CSK: variants seen among roughly 807,000 people sequenced by gnomAD.
CSK encodes tyrosine-protein kinase CSK.
Under a neutral mutation model 62.3 loss-of-function variants are expected in CSK, and 7 were observed. The ratio of observed to expected loss-of-function variants is 0.11; its 90% CI spans 0.06 to 0.21. CSK has a LOEUF of 0.21. Ranked by LOEUF, CSK falls within the 10% of genes least tolerant of loss-of-function variation. CSK has a pLI of 1.00. For missense variants in CSK, 294 were observed against 613.5 expected, an observed-to-expected ratio of 0.48 and a Z score of 5.50; for synonymous variants, 237 against 246.0, an observed-to-expected ratio of 0.96 and a Z score of 0.34.
chr15:74,795,278 TAA>T (rs2063687647), intron 1 of CSK, among the ~76,000 whole-genome samples: 1 of 152,098 alleles, frequency 6.6e-6, no homozygotes. Context: ...CACTTTGCAC[TAA>T]AATGTCTTCT....
At chr15:74,791,274 T>C (rs2063616178) in intron 1 of CSK, among the ~76,000 whole-genome samples, 1 of 152,182 alleles carries the variant, frequency 6.6e-6, no homozygotes, top group South Asian at 2.1e-4. Flanking sequence ...GCCTTTTATT[T>C]TGAGTATTTG....
intron 1 of CSK, among the ~76,000 whole-genome samples, chr15:74,795,588 A>AG (rs1411903205): frequency 6.6e-6 from 1 of 152,142 alleles, no homozygotes; most frequent in African/African-American, 2.4e-5. Context: ...GACAGGTCCA[A>AG]GGGGGCTCTG....
intron 1 of CSK, among the ~76,000 whole-genome samples, chr15:74,786,047 T>C (rs1356458000): frequency 8.7e-6 from 1 of 114,370 alleles, no homozygotes; most frequent in Non-Finnish European, 1.8e-5. Context: ...GTGTGTGAGA[T>C]GGAGTTTTGC....
In CSK at chr15:74,802,345, C is replaced by T. The variant is rs146818385; in HGVS notation, c.1185C>T (p.Val395=). The change falls in exon 13 of 13, where the codon GTC becomes GTT. Residue 395 remains valine, a synonymous_variant. Coordinates refer to ENST00000220003, the MANE Select transcript of CSK (RefSeq NM_004383.3). ...CCTGGCCACAGCCCCTGAAGGACGT[C>T]GTCCCTCGGGTGGAGAAGGGCTACA... is the stretch of plus-strand genomic sequence containing the variant. ...VPYPRIPLKD[V]VPRVEKGYKM... is the part of the protein sequence containing the mutation. 80 of 1,597,624 alleles carry T rather than the reference C, an allele frequency of 5.0e-5. No homozygotes were observed. In the African/African-American group the frequency reaches 9.1e-4, roughly 18 times the overall value.
At position 74,802,548 on chromosome 15, in the gene CSK, G is replaced by T; in HGVS notation, c.*35G>T. 6.2e-7 allele frequency: 1 copy of T among 1,601,976 alleles called. No homozygotes were observed. The highest frequency in any genetic ancestry group is 1.1e-5 in the South Asian group (1 of 89,708). On this transcript the variant is annotated 3_prime_UTR_variant, in exon 13 of 13. Coordinates refer to ENST00000220003, the MANE Select transcript of CSK (RefSeq NM_004383.3). ...TCCGCCTGGGTCATGGGCCTGTGGG[G>T]ACTGAACCTGGAAGATCATGGACCT...
At chr15:74,800,977 G>A (rs1302271028) in intron 8 of CSK, 35 bp from the exon 9 acceptor site, 1 of 1,612,984 alleles carries the variant, frequency 6.2e-7, no homozygotes, top group South Asian at 1.1e-5. Flanking sequence ...TGAGGCACCA[G>A]CTTCCCCTTT....
intron 1 of CSK, chr15:74,797,906 T>C (rs1314384479): frequency 5.3e-6 from 1 of 187,696 alleles, no homozygotes; most frequent in African/African-American, 2.4e-5. Context: ...GGGGCCCCTT[T>C]CCCCACAGAA....
At chr15:74,791,090 C>T (rs915114427) in intron 1 of CSK, 2 of 152,242 alleles carry the variant, frequency 1.3e-5, no homozygotes, top group African/African-American at 4.8e-5. Context: ...TTCTCTTGAA[C>T]TTGATCTCAC....
chr15:74,800,929 G>C lies in CSK; in HGVS notation c.722+7G>C, dbSNP rs762468390. The C allele has an allele frequency of 2.5e-6, 4 of 1,612,940 alleles. No homozygotes were observed. The highest frequency in any genetic ancestry group is 3.4e-6 in the Non-Finnish European group (4 of 1,179,978). The stretch of plus-strand genomic sequence containing the variant: ...CTGAAGCCTCAGTCATGACGTGAGT[G>C]GGGGCGGGGTAGGGGGGAGGTTGGC... On this transcript the variant is annotated splice_region_variant and intron_variant, in intron 8 of 12. Coordinates refer to ENST00000220003, the MANE Select transcript of CSK (RefSeq NM_004383.3).
chr15:74,784,619 A>G (rs34552461), intron 1 of CSK, among the ~76,000 whole-genome samples: 8,365 of 152,156 alleles, frequency 0.055, 771 homozygotes, highest in African/African-American at 0.19. Context: ...CCCATTCACC[A>G]CCGCAGGGGG....
At chr15:74,796,177 A>G (rs929246652) in intron 1 of CSK, among the ~76,000 whole-genome samples, 20 of 151,514 alleles carry the variant, frequency 1.3e-4, no homozygotes, top group African/African-American at 4.8e-4. Flanking sequence ...GCCGTGAGTC[A>G]CCCCACCACT....
chr15:74,786,695 T>C (rs988120606), intron 1 of CSK, among the ~76,000 whole-genome samples: 4 of 152,094 alleles, frequency 2.6e-5, no homozygotes, highest in Non-Finnish European at 5.9e-5. Flanking sequence ...GAGACCAGGG[T>C]AACTGGGAGT....
Position 74,800,400 on chromosome 15 carries a change from C to G in CSK, c.463-12C>G, listed in dbSNP as rs201705144. The G allele has an allele frequency of 1.3e-5, 21 of 1,612,770 alleles. No homozygotes were observed. The East Asian group carries it at 1.3e-4, about 10-fold the overall frequency. Reference sequence around the variant, plus strand: ...GGCTGTCTCTGAGCACCCTGCCCCCCACACCCTGCAGCACTACACCTCAGA... The same window carrying G: ...GGCTGTCTCTGAGCACCCTGCCCCCGACACCCTGCAGCACTACACCTCAGA... On this transcript the variant is annotated splice_polypyrimidine_tract_variant and intron_variant, in intron 5 of 12. Coordinates refer to ENST00000220003, the MANE Select transcript of CSK (RefSeq NM_004383.3).
At position 74,801,433 on chromosome 15, in the gene CSK, G is replaced by C. The variant is rs112518573; in HGVS notation, c.814-89G>C. ...CTTCCCTGTCTCACACCTCCCTGGA[G>C]TGTCAACACCCACCCGGCCCCAGCG... On this transcript the variant is annotated intron_variant, in intron 9 of 12. Transcript: ENST00000220003. The C allele has an allele frequency of 3.7e-5, 49 of 1,315,436 alleles. No homozygotes were observed. In the East Asian group the frequency reaches 1.1e-3, roughly 29 times the overall value. 81.5% of individuals were successfully genotyped at this position (1,315,436 alleles called of 1,614,324 possible). A position where few individuals can be genotyped will look rare whatever the true frequency, so the allele number is the denominator to read the frequency against.
chr15:74,784,773 G>A (rs36102361), intron 1 of CSK, among the ~76,000 whole-genome samples: 3,780 of 152,272 alleles, frequency 0.025, 351 homozygotes, highest in Admixed American at 0.18. Context: ...CCCCCCAAAG[G>A]GGGCAGACCC....
In CSK at chr15:74,801,979, C is replaced by G. The variant is rs1221208091; in HGVS notation, c.1084-18C>G. On this transcript the variant is annotated intron_variant, in intron 11 of 12. Coordinates refer to ENST00000220003, the MANE Select transcript of CSK (RefSeq NM_004383.3). Reference sequence around the variant, plus strand: ...GGAGTCCCAGGATCTGACGCTGCTTCTTCCATCCACATGGCAGAAATTCTC... The same window carrying G: ...GGAGTCCCAGGATCTGACGCTGCTTGTTCCATCCACATGGCAGAAATTCTC... The G allele has an allele frequency of 1.2e-6, 2 of 1,613,256 alleles. No homozygotes were observed. Among genetic ancestry groups the G allele is most frequent in the Non-Finnish European group, 1.7e-6 (2 of 1,179,552 alleles).
At chr15:74,788,690 C>T (rs997900969) in intron 1 of CSK, 2 of 154,180 alleles carry the variant, frequency 1.3e-5, no homozygotes, top group South Asian at 2.0e-4. Flanking sequence ...GTGGGGAGAC[C>T]AGAAATCTGG....
chr15:74,790,348 G>C (rs2063600282), intron 1 of CSK, among the ~76,000 whole-genome samples: 1 of 152,222 alleles, frequency 6.6e-6, no homozygotes, highest in Non-Finnish European at 1.5e-5. Flanking sequence ...GCACGTGCCT[G>C]GCCTTGGGGG....
rs1003749190 is a variant in CSK at position 74,802,665 on chromosome 15, C to G, written c.*152C>G. ...GTCCCAGCCTGCACCCCTCCGGCCC[C>G]GTCTCTCTTGGACCCACCTGTGGGG... On this transcript the variant is annotated 3_prime_UTR_variant, in exon 13 of 13. Transcript: ENST00000220003. 2 of 968,812 alleles carry G rather than the reference C, an allele frequency of 2.1e-6. No homozygotes were observed. Among genetic ancestry groups the G allele is most frequent in the Middle Eastern group, 3.3e-4 (1 of 3,052 alleles). The allele number at this position is 968,812 out of a possible 1,614,324, so 60.0% of individuals were successfully genotyped here.
Sources: gnomAD v4.1 joint callset for allele counts (sites outside exome capture counted in the v4.1 genomes callset) on GRCh38, gnomAD v4.1.1 for gene constraint, MANE v1.5 for transcripts, NCBI Gene and HGNC (gene_info 2026-07-23, HGNC 2026-07-21) for gene names.